The following TMEM117 variants were observed in gnomAD, a reference collection of about 807,000 sequenced individuals.
TMEM117 encodes transmembrane protein 117.
Under a neutral mutation model 52.4 loss-of-function variants are expected in TMEM117, and 27 were observed. The ratio of observed to expected loss-of-function variants is 0.51; its 90% confidence interval spans 0.38 to 0.71. The LOEUF (loss-of-function observed/expected upper bound fraction) is 0.71, where lower values mean the gene tolerates loss of function less well. Ranked by LOEUF, TMEM117 falls within the 30% of genes least tolerant of loss-of-function variation. The probability of loss-of-function intolerance (pLI) is 0.00; values close to 1 mark genes in which losing one functional copy is unlikely to be tolerated. For missense variants in TMEM117, 556 were observed against 630.5 expected, an observed-to-expected ratio of 0.88 and a Z score of 1.26; for synonymous variants, 215 against 206.3, an observed-to-expected ratio of 1.04 and a Z score of -0.36.
At chr12:43,964,751 T>C (rs1011942550) in intron 3 of TMEM117, among the ~76,000 whole-genome samples, 1 of 152,220 alleles carries the variant, frequency 6.6e-6, no homozygotes, top group African/African-American at 2.4e-5. Flanking sequence ...TGGGTTCTTA[T>C]CTATAATTAG....
chr12:44,079,564 G>GT (rs1029022050), intron 3 of TMEM117, among the ~76,000 whole-genome samples: 6 of 151,864 alleles, frequency 4.0e-5, no homozygotes, highest in South Asian at 2.1e-4. Context: ...GGAATTGTTT[G>GT]TTTTTTTCTT....
intron 3 of TMEM117, among the ~76,000 whole-genome samples, chr12:44,018,497 A>G (rs904869603): frequency 6.6e-6 from 1 of 152,192 alleles, no homozygotes; most frequent in Non-Finnish European, 1.5e-5. Flanking sequence ...AAAGTAATTT[A>G]GAGACAATTG....
At chr12:44,333,896 T>C (rs1951305668) in intron 6 of TMEM117, among the ~76,000 whole-genome samples, 1 of 151,734 alleles carries the variant, frequency 6.6e-6, no homozygotes, top group Admixed American at 6.6e-5. Context: ...CATGAAGAGG[T>C]TGATGAAAGG....
intron 6 of TMEM117, among the ~76,000 whole-genome samples, chr12:44,312,509 G>A (rs927788840): frequency 2.6e-5 from 4 of 151,982 alleles, no homozygotes; most frequent in South Asian, 2.1e-4. Context: ...CCAATCCACC[G>A]CTGTTGGGCC....
intron 3 of TMEM117, among the ~76,000 whole-genome samples, chr12:44,040,814 T>G (rs1946785184): frequency 6.6e-6 from 1 of 152,234 alleles, no homozygotes; most frequent in Non-Finnish European, 1.5e-5. Context: ...TAAAAATTTG[T>G]TTTTATTATT....
intron 4 of TMEM117, among the ~76,000 whole-genome samples, chr12:44,174,234 C>T (rs1949087582): frequency 6.6e-6 from 1 of 151,988 alleles, no homozygotes. Flanking sequence ...GAACTATGAC[C>T]CTTGGGCCAT....
intron 3 of TMEM117, among the ~76,000 whole-genome samples, chr12:44,030,445 A>AATCGCTTACT (rs1349602610): frequency 6.6e-6 from 1 of 152,176 alleles, no homozygotes; most frequent in African/African-American, 2.4e-5. Flanking sequence ...ACATAATTAA[A>AATCGCTTACT]ATCGCTTACT....
At chr12:44,124,551 G>T (rs1055787784) in intron 3 of TMEM117, among the ~76,000 whole-genome samples, 3 of 152,086 alleles carry the variant, frequency 2.0e-5, no homozygotes, top group Non-Finnish European at 4.4e-5. Context: ...GTCATAAATG[G>T]CTCTTATTAT....
At chr12:44,037,387 G>A (rs528408826) in intron 3 of TMEM117, among the ~76,000 whole-genome samples, 35 of 152,136 alleles carry the variant, frequency 2.3e-4, no homozygotes, top group Non-Finnish European at 4.6e-4. Flanking sequence ...AAGCAAACTT[G>A]AGGCTGAGCC....
chr12:44,314,045 C>A (rs1028539999), intron 6 of TMEM117, among the ~76,000 whole-genome samples: 1 of 152,144 alleles, frequency 6.6e-6, no homozygotes, highest in Non-Finnish European at 1.5e-5. Flanking sequence ...ATATTGTCTG[C>A]AAAACTGAGA....
chr12:44,251,973 AAG>A (rs1008221371), intron 5 of TMEM117, among the ~76,000 whole-genome samples: 1 of 152,202 alleles, frequency 6.6e-6, no homozygotes, highest in Non-Finnish European at 1.5e-5. Flanking sequence ...CAGGCGAAAA[AAG>A]AAAAAAATTG....
At chr12:43,919,702 T>G (rs188917582) in intron 2 of TMEM117, among the ~76,000 whole-genome samples, 34 of 151,988 alleles carry the variant, frequency 2.2e-4, no homozygotes, top group South Asian at 2.1e-4. Flanking sequence ...TATTTTTAAT[T>G]TTTTGAGAAA....
At chr12:44,283,463 A>G (rs1164493908) in intron 5 of TMEM117, among the ~76,000 whole-genome samples, 1 of 152,188 alleles carries the variant, frequency 6.6e-6, no homozygotes, top group Non-Finnish European at 1.5e-5. Flanking sequence ...CTTGGAATCA[A>G]AGGAGATCAT....
intron 2 of TMEM117, among the ~76,000 whole-genome samples, chr12:43,878,575 C>T (rs1234107645): frequency 6.6e-6 from 1 of 152,030 alleles, no homozygotes; most frequent in African/African-American, 2.4e-5. Context: ...AAGGTGACAA[C>T]AATAGGTTGT....
chr12:43,991,298 A>G (rs900976159), intron 3 of TMEM117, among the ~76,000 whole-genome samples: 2 of 152,298 alleles, frequency 1.3e-5, no homozygotes, highest in South Asian at 4.2e-4. Flanking sequence ...CTTCCACACA[A>G]TATAGGATTT....
At chr12:44,359,348 A>G (rs1279603585) in intron 6 of TMEM117, among the ~76,000 whole-genome samples, 1 of 152,104 alleles carries the variant, frequency 6.6e-6, no homozygotes, top group African/African-American at 2.4e-5. Context: ...AAAACCATCT[A>G]TAATTTTACT....
At chr12:44,301,802 A>G (rs1330976374) in intron 6 of TMEM117, among the ~76,000 whole-genome samples, 1 of 152,154 alleles carries the variant, frequency 6.6e-6, no homozygotes, top group Non-Finnish European at 1.5e-5. Context: ...TCAGAGGGCA[A>G]TCACCCTCTA....
chr12:44,182,398 A>G (rs1292520868), intron 4 of TMEM117, among the ~76,000 whole-genome samples: 1 of 152,216 alleles, frequency 6.6e-6, no homozygotes, highest in Non-Finnish European at 1.5e-5. Flanking sequence ...TATGTTGAAT[A>G]GGAGTGGTGA....
the TMEM117 span, among the ~76,000 whole-genome samples, chr12:43,810,203 AG>A: frequency 2.0e-3 from 298 of 152,316 alleles, 1 homozygote; most frequent in African/African-American, 6.5e-3. Context: ...GGGTTGGAAA[AG>A]TGCCTTAGCA....
Sources: allele counts gnomAD v4.1 joint callset (sites outside exome capture counted in the v4.1 genomes callset), GRCh38; gene constraint gnomAD v4.1.1; transcripts MANE v1.5; gene names NCBI Gene and HGNC (gene_info 2026-07-23, HGNC 2026-07-21).